Variants in MAP7 observed in about 807,000 individuals in gnomAD.
MAP7 encodes the protein ensconsin.
In MAP7, 52 loss-of-function variants were observed where a neutral mutation model predicts 94.8. The observed-to-expected ratio is 0.55, with a 90% CI of 0.44 to 0.69. The LOEUF (loss-of-function observed/expected upper bound fraction) is 0.69, where lower values mean the gene tolerates loss of function less well. MAP7 is among the 30% of genes least tolerant of loss of function. The pLI is 0.00. For synonymous variants in MAP7, 350 were observed against 357.0 expected (o/e 0.98, Z 0.22); for missense variants, 940 against 964.6 (o/e 0.97, Z 0.34).
At chr6:136,496,987 T>A (rs2129001879) in intron 1 of MAP7, among the ~76,000 whole-genome samples, 1 of 151,814 alleles carries the variant, frequency 6.6e-6, no homozygotes, top group East Asian at 1.9e-4. Context: ...ATAAAGCCCA[T>A]TTGATCCATA....
At chr6:136,466,017 T>C (rs1806900632) in intron 1 of MAP7, among the ~76,000 whole-genome samples, 1 of 151,986 alleles carries the variant, frequency 6.6e-6, no homozygotes, top group Admixed American at 6.6e-5. Context: ...GAAAAGAAAA[T>C]AAAGTGATAA....
At chr6:136,525,785 A>T (rs759186209) in intron 1 of MAP7, 4 of 1,514,486 alleles carry the variant, frequency 2.6e-6, no homozygotes, top group Non-Finnish European at 3.5e-6. Flanking sequence ...AGTGTGGGAG[A>T]CAAGGGCTGG....
intron 1 of MAP7, among the ~76,000 whole-genome samples, chr6:136,451,682 G>T (rs1801167418): frequency 1.3e-5 from 2 of 152,166 alleles, no homozygotes; most frequent in African/African-American, 2.4e-5. Flanking sequence ...CTTCTGGAAA[G>T]AATTCTCCAT....
At chr6:136,525,360 C>T (rs1827544334) in intron 1 of MAP7, among the ~76,000 whole-genome samples, 1 of 152,210 alleles carries the variant, frequency 6.6e-6, no homozygotes, top group African/African-American at 2.4e-5. Context: ...AGGGAAGTGA[C>T]ATTTTGACCC....
intron 1 of MAP7, among the ~76,000 whole-genome samples, chr6:136,494,469 G>T: frequency 6.6e-6 from 1 of 152,128 alleles, no homozygotes; most frequent in Non-Finnish European, 1.5e-5. Context: ...AAATACTTGT[G>T]CAGAAAAATT....
chr6:136,413,315 G>A (rs1006582283), intron 2 of MAP7, among the ~76,000 whole-genome samples: 1 of 152,108 alleles, frequency 6.6e-6, no homozygotes, highest in African/African-American at 2.4e-5. Flanking sequence ...TTGAGGTCAG[G>A]AGTTCAAGAC....
At chr6:136,359,693 T>C (rs1791974650) in intron 15 of MAP7, 127 bp downstream of exon 15, 4 of 851,070 alleles carry the variant, frequency 4.7e-6, no homozygotes, top group African/African-American at 3.4e-5. Flanking sequence ...GACAGACCCC[T>C]AAGCTTCTGT....
At chr6:136,373,998 G>A (rs371303608) in intron 7 of MAP7, among the ~76,000 whole-genome samples, 6 of 152,324 alleles carry the variant, frequency 3.9e-5, no homozygotes, top group Admixed American at 2.0e-4. Flanking sequence ...ATCTCACTCT[G>A]TTGCCCAGGC....
At chr6:136,432,315 C>G (rs1795167209) in intron 1 of MAP7, among the ~76,000 whole-genome samples, 2 of 152,172 alleles carry the variant, frequency 1.3e-5, no homozygotes, top group African/African-American at 2.4e-5. Context: ...TTTGATCCAT[C>G]ATGAATCCTA....
In MAP7 at chr6:136,506,032, CTT is replaced by C. The variant is rs1821406976; in HGVS notation, c.67+44308_67+44309del. ...AATGTATTTAAGCCTTGAGAAATTT[CTT>C]TGTTGTTTGTCAAATCAACAACAAA... On this transcript the variant is annotated intron_variant, in intron 1 of 17. Coordinates refer to ENST00000354570, the MANE Select transcript of MAP7 (RefSeq NM_003980.6). Among the ~76,000 whole-genome samples, 6 of 152,134 alleles carry C rather than the reference CTT, an allele frequency of 3.9e-5. No homozygotes were observed. The South Asian group carries it at 1.2e-3, about 32-fold the overall frequency.
At chr6:136,457,002 G>GA (rs1160554907) in intron 1 of MAP7, among the ~76,000 whole-genome samples, 4 of 135,582 alleles carry the variant, frequency 3.0e-5, no homozygotes, top group African/African-American at 7.9e-5. Context: ...AAACACTGGG[G>GA]AAAAAAACTC....
At chr6:136,385,259 A>T (rs1023411174) in intron 5 of MAP7, among the ~76,000 whole-genome samples, 4 of 86,432 alleles carry the variant, frequency 4.6e-5, no homozygotes, top group African/African-American at 1.3e-4. Context: ...TGGCTGAAGC[A>T]ATTTTATTAT....
In MAP7 at chr6:136,343,323, T is replaced by A. The variant is rs1786912021; in HGVS notation, c.*905A>T. ...CAAATTCTTTTTCTATTTAAAGAAA[T>A]ATTAAATCTTTATTTTCCCCAACAT... is the stretch of plus-strand genomic sequence containing the variant. On this transcript the variant is annotated 3_prime_UTR_variant, in exon 18 of 18. Coordinates refer to ENST00000354570, the MANE Select transcript of MAP7 (RefSeq NM_003980.6). 6.6e-6 allele frequency: 1 copy of A among 152,614 alleles called. No homozygotes were observed. Among genetic ancestry groups the A allele is most frequent in the Admixed American group, 6.5e-5 (1 of 15,288 alleles). The allele number at this position is 152,614 out of a possible 1,614,324, so 9.5% of individuals were successfully genotyped here.
At chr6:136,503,454 C>T (rs914268710) in intron 1 of MAP7, among the ~76,000 whole-genome samples, 6 of 152,106 alleles carry the variant, frequency 3.9e-5, no homozygotes, top group African/African-American at 1.4e-4. Context: ...CTAACCCTGA[C>T]CCGCCATGTC....
Position 136,372,830 on chromosome 6 carries a change from T to A in MAP7, c.752-205A>T, listed in dbSNP as rs576234186. 2.0e-5 allele frequency among the ~76,000 whole-genome samples: 3 copies of A among 152,320 alleles called. No individual in the cohort carries two copies. In the South Asian group the frequency reaches 6.2e-4, roughly 32 times the overall value. On this transcript the variant is annotated intron_variant, in intron 7 of 17. Coordinates refer to ENST00000354570, the MANE Select transcript of MAP7 (RefSeq NM_003980.6). ...CTGTCCTTACAGTCCTATGAATTTATGATGAGTCCAAAAGGAAGGCATGTC... is the reference window on the plus strand; with the variant it reads ...CTGTCCTTACAGTCCTATGAATTTAAGATGAGTCCAAAAGGAAGGCATGTC...
chr6:136,487,034 G>T (rs1814997222), intron 1 of MAP7, among the ~76,000 whole-genome samples: 1 of 152,118 alleles, frequency 6.6e-6, no homozygotes. Flanking sequence ...TCAAATAAAT[G>T]CAAACTAAAA....
chr6:136,488,412 A>G (rs1815444605), intron 1 of MAP7, among the ~76,000 whole-genome samples: 1 of 151,740 alleles, frequency 6.6e-6, no homozygotes, highest in Non-Finnish European at 1.5e-5. Context: ...AAGCAACAAA[A>G]TATTGATTCT....
chr6:136,449,520 G>C (rs76293437), intron 1 of MAP7, among the ~76,000 whole-genome samples: 8,518 of 152,244 alleles, frequency 0.056, 519 homozygotes, highest in African/African-American at 0.15. Flanking sequence ...CAGCCGATTG[G>C]TTACAGCCCG....
rs1201752201 is a variant in MAP7 at position 136,389,279 on chromosome 6, G to A, written c.408+75C>T. On this transcript the variant is annotated intron_variant, in intron 4 of 17. Transcript: ENST00000354570. Reference sequence around the variant, plus strand: ...TTTGCTTTGCACCCTGCACCTGACTGCAAAGTTTCACAGAAAGTTTGCTGC... The same window carrying A: ...TTTGCTTTGCACCCTGCACCTGACTACAAAGTTTCACAGAAAGTTTGCTGC... 2.3e-5 allele frequency: 35 copies of A among 1,493,954 alleles called. No individual in the cohort carries two copies. In the East Asian group the frequency reaches 7.9e-4, roughly 34 times the overall value. The allele number at this position is 1,493,954 out of a possible 1,614,324, so 92.5% of individuals were successfully genotyped here. A position where few individuals can be genotyped will look rare whatever the true frequency, so the allele number is the denominator to read the frequency against.
Sources: allele counts gnomAD v4.1 joint callset (sites outside exome capture counted in the v4.1 genomes callset), GRCh38; gene constraint gnomAD v4.1.1; transcripts MANE v1.5; gene names NCBI Gene and HGNC (gene_info 2026-07-23, HGNC 2026-07-21).